ATP2A3: variants seen among roughly 807,000 people sequenced by gnomAD.
ATP2A3 encodes the protein sarcoplasmic/endoplasmic reticulum calcium ATPase 3.
ATP2A3 carries 61 observed loss-of-function variants against 106.8 expected under a neutral mutation model. That is an observed-to-expected ratio of 0.57 (90% CI 0.46 to 0.71). The LOEUF (loss-of-function observed/expected upper bound fraction) is 0.71. Ranked by LOEUF, ATP2A3 falls within the 30% of genes least tolerant of loss-of-function variation. The pLI, the probability that ATP2A3 is intolerant of heterozygous loss-of-function variation, is 0.00. For synonymous variants in ATP2A3, 611 were observed against 609.3 expected (o/e 1.00, Z -0.04); for missense variants, 1,201 against 1,423.5 (o/e 0.84, Z 2.52).
intron 1 of ATP2A3, among the ~76,000 whole-genome samples, chr17:3,958,414 AC>A (rs1320781979): frequency 2.0e-5 from 3 of 152,030 alleles, no homozygotes; most frequent in Non-Finnish European, 4.4e-5. Context: ...TGGATGACTG[AC>A]CCTGCCTCTG....
At position 3,930,800 on chromosome 17, in the gene ATP2A3, C is replaced by T; in HGVS notation, c.2611-366G>A. On this transcript the variant is annotated intron_variant, in intron 17 of 20. Transcript: ENST00000397041. This position sits in a 1 kb window ranked among gnomAD's most constrained non-coding sequence, Gnocchi z 5.4. ...AACAAAACCATGCGGGAGTGGAATT[C>T]ACCTTTGCGGTATAGAAGATGAAGG... is the stretch of plus-strand genomic sequence containing the variant. 2.6e-6 allele frequency: 1 copy of T among 378,370 alleles called. No homozygotes were observed. The highest frequency in any genetic ancestry group is 5.1e-6 in the Non-Finnish European group (1 of 195,290). 23.4% of individuals were successfully genotyped at this position (378,370 alleles called of 1,614,324 possible).
rs1017031703 is a variant in ATP2A3, at chr17:3,926,774, T to A, written c.2981-1333A>T. ...TAGTAGAGATGGGGTTTCACCATGT[T>A]GGCCAGGCTGGTCTCTAACTCCTGA... is the stretch of plus-strand genomic sequence containing the variant. On this transcript the variant is annotated intron_variant, in intron 20 of 20. Transcript: ENST00000397041. This position sits in a 1 kb window ranked among gnomAD's most constrained non-coding sequence, Gnocchi z 4.6. 1.3e-6 allele frequency: 1 copy of A among 796,288 alleles called. No individual in the cohort carries two copies. The highest frequency in any genetic ancestry group is 1.9e-5 in the African/African-American group (1 of 53,146). 49.3% of individuals were successfully genotyped at this position (796,288 alleles called of 1,614,324 possible).
chr17:3,946,046 G>C (rs2054095621), intron 8 of ATP2A3, among the ~76,000 whole-genome samples: 2 of 147,838 alleles, frequency 1.4e-5, no homozygotes, highest in African/African-American at 5.0e-5. Flanking sequence ...AAGCTTGATT[G>C]AGACCATCCT....
At chr17:3,944,913 CA>C (rs1382062694) in intron 9 of ATP2A3, 107 bp from the exon 10 acceptor site, 1 of 1,249,468 alleles carries the variant, frequency 8.0e-7, no homozygotes. Context: ...GCCCCGCCCC[CA>C]GAAGGGCTCC....
chr17:3,927,411 T>C, intron 20 of ATP2A3: 3 of 985,422 alleles, frequency 3.0e-6, no homozygotes, highest in Non-Finnish European at 3.6e-6. Context: ...TGAGCTGTCA[T>C]GTCCCCAGAG....
In ATP2A3 at chr17:3,951,286, C is replaced by T. The variant is rs375801218; in HGVS notation, c.428G>A (p.Arg143Gln). ...DRKGVQRIRA[R>Q]DIVPGDIVEV... ...TACAATGTCCCCTGGGACGATGTCC[C>T]GGGCACGGATCCTCTGCACGCCCTT... The change falls in exon 5 of 21, where the codon CGG becomes CAG. Residue 143 changes from arginine (R) to glutamine (Q), a missense_variant. Coordinates refer to ENST00000397041, the MANE Select transcript of ATP2A3 (RefSeq NM_005173.4). 2.5e-5 allele frequency: 41 copies of T among 1,613,700 alleles called. No homozygotes were observed. The highest frequency in any genetic ancestry group is 6.7e-5 in the African/African-American group (5 of 74,954).
intron 20 of ATP2A3, chr17:3,927,349 C>A: frequency 1.0e-6 from 1 of 985,490 alleles, no homozygotes; most frequent in Middle Eastern, 5.2e-4. Flanking sequence ...ATCTGCTGAG[C>A]TCCTAGGCAG....
intron 12 of ATP2A3, 21 bp downstream of exon 12, chr17:3,942,585 G>C (rs748224156): frequency 1.9e-6 from 3 of 1,606,474 alleles, no homozygotes; most frequent in South Asian, 1.1e-5. Flanking sequence ...AGGGGCCCAG[G>C]CCAGCCAGGC....
At chr17:3,934,939 T>G (rs770041320) in intron 17 of ATP2A3, 45 of 527,152 alleles carry the variant, frequency 8.5e-5, no homozygotes, top group Non-Finnish European at 1.4e-4. Context: ...GTAAGATACA[T>G]CTGGCAGTGA....
chr17:3,925,520 A>G lies in ATP2A3; in HGVS notation c.2981-79T>C, dbSNP rs1382687981. On this transcript the variant is annotated intron_variant, in intron 20 of 20. Transcript: ENST00000397041. This position sits in a 1 kb window ranked among gnomAD's most constrained non-coding sequence, Gnocchi z 4.2. ...AGACAGCTTCCTTCCAGCCCCTTCC[A>G]TCCTCCACTTCTCCCAGGACAGCCC... 6 of 1,526,088 alleles carry G rather than the reference A, an allele frequency of 3.9e-6. No individual in the cohort carries two copies. In the East Asian group the frequency reaches 1.4e-4, roughly 36 times the overall value. The allele number at this position is 1,526,088 out of a possible 1,614,324, so 94.5% of individuals were successfully genotyped here.
chr17:3,937,709 C>A, intron 14 of ATP2A3, 73 bp from the exon 15 acceptor site: 1 of 1,459,480 alleles, frequency 6.9e-7, no homozygotes. Context: ...TCAACTCAGC[C>A]CACCCCCAAT....
chr17:3,932,596 C>A (rs1438635267), intron 17 of ATP2A3, among the ~76,000 whole-genome samples: 1 of 152,214 alleles, frequency 6.6e-6, no homozygotes, highest in Non-Finnish European at 1.5e-5. Flanking sequence ...TGAGCCGTCA[C>A]TGTTGGCTAA....
intron 4 of ATP2A3, 35 bp downstream of exon 4, chr17:3,951,546 G>GCCCCCCCCCCCGTGCCCCC: frequency 7.6e-7 from 1 of 1,319,570 alleles, no homozygotes; most frequent in Non-Finnish European, 1.0e-6. Context: ...CTGGGAGACC[G>GCCCCCCCCCCCGTGCCCCC]CCCCCCGCCC....
chr17:3,933,728 T>G (rs916813055), intron 17 of ATP2A3, among the ~76,000 whole-genome samples: 2 of 150,940 alleles, frequency 1.3e-5, no homozygotes, highest in African/African-American at 4.9e-5. Context: ...AGAGCGAGAC[T>G]CCATCTCAAA....
chr17:3,944,828 C>A (rs775798391), intron 9 of ATP2A3, 22 bp from the exon 10 acceptor site: 10 of 1,598,034 alleles, frequency 6.3e-6, no homozygotes, highest in Non-Finnish European at 8.5e-6. Context: ...GGGCGGTCAC[C>A]AGGAGGACCT....
chr17:3,950,554 T>G lies in ATP2A3; in HGVS notation c.587A>C (p.Asp196Ala), dbSNP rs142252949. The G allele has an allele frequency of 6.5e-5, 105 of 1,613,992 alleles. No individual in the cohort carries two copies. Among genetic ancestry groups the G allele is most frequent in the Non-Finnish European group, 8.2e-5 (97 of 1,180,034 alleles). ...SVTKHTEAIP[D>A]PRAVNQDKKN... is the part of the protein sequence containing the mutation. ...CTTGTCCTGGTTCACAGCTCTGGGG[T>G]CTGGGATGGCCTCTGTGTGCTTGGT... Residue 196 changes from aspartate to alanine, a missense_variant, in exon 7 of 21, where the codon GAC (aspartate) becomes GCC (alanine). Physicochemically the swap from Asp to Ala is moderately radical, Grantham distance 126 (BLOSUM62 -2). Around this residue, in one of 2 missense-constraint regions of ATP2A3, gnomAD observed 935 missense variants for 1,176.7 expected, o/e 0.79. Coordinates refer to ENST00000397041, the MANE Select transcript of ATP2A3 (RefSeq NM_005173.4).
Position 3,930,808 on chromosome 17 carries a change from C to A in ATP2A3, c.2611-374G>T. The A allele has an allele frequency of 2.7e-6, 1 of 369,494 alleles. No individual in the cohort carries two copies. Among genetic ancestry groups the A allele is most frequent in the Non-Finnish European group, 5.3e-6 (1 of 189,744 alleles). The allele number at this position is 369,494 out of a possible 1,614,324, so 22.9% of individuals were successfully genotyped here. Reference sequence around the variant, plus strand: ...CATGCGGGAGTGGAATTCACCTTTGCGGTATAGAAGATGAAGGCTACGCAG... The same window carrying A: ...CATGCGGGAGTGGAATTCACCTTTGAGGTATAGAAGATGAAGGCTACGCAG... On this transcript the variant is annotated intron_variant, in intron 17 of 20. Coordinates refer to ENST00000397041, the MANE Select transcript of ATP2A3 (RefSeq NM_005173.4). This position sits in a 1 kb window ranked among gnomAD's most constrained non-coding sequence, Gnocchi z 5.4.
chr17:3,928,468 C>T lies in ATP2A3; in HGVS notation c.2980+195G>A, dbSNP rs1306295342. ...TGGCCCAGTGAGCCCAGGTCCCCTG[C>T]AGTGCAAGACCCTGCGGACACCTTG... is the stretch of plus-strand genomic sequence containing the variant. On this transcript the variant is annotated intron_variant, in intron 20 of 20. Transcript: ENST00000397041. The surrounding 1 kb of genome is among the most constrained non-coding windows in gnomAD (Gnocchi z 6.1). 3 of 979,604 alleles carry T rather than the reference C, an allele frequency of 3.1e-6. No individual in the cohort carries two copies. In the African/African-American group the frequency reaches 4.8e-5, roughly 16 times the overall value. The allele number at this position is 979,604 out of a possible 1,614,324, so 60.7% of individuals were successfully genotyped here.
chr17:3,949,509 T>C (rs1489867301), intron 7 of ATP2A3, among the ~76,000 whole-genome samples: 1 of 152,154 alleles, frequency 6.6e-6, no homozygotes, highest in Non-Finnish European at 1.5e-5. Context: ...AGCATTTCTA[T>C]CGAGTGATTA....
Sources: allele counts gnomAD v4.1 joint callset (sites outside exome capture counted in the v4.1 genomes callset), GRCh38; gene constraint gnomAD v4.1.1; regional missense constraint gnomAD v4.1.1; non-coding constraint Gnocchi (gnomAD v3.1); transcripts MANE v1.5; gene names NCBI Gene and HGNC (gene_info 2026-07-23, HGNC 2026-07-21).